FER1L6: variants seen among roughly 807,000 people sequenced by gnomAD.
FER1L6 encodes the protein fer-1-like protein 6.
A neutral mutation model predicts 219.2 loss-of-function variants in FER1L6; 177 were observed. That is an observed-to-expected ratio of 0.81 (90% confidence interval 0.71 to 0.91). The LOEUF (loss-of-function observed/expected upper bound fraction) is 0.91. FER1L6 is among the 40% of genes least tolerant of loss of function. The pLI, the probability that FER1L6 is intolerant of heterozygous loss-of-function variation, is 0.00. For missense variants in FER1L6, 2,153 were observed against 2,259.9 expected, an observed-to-expected ratio of 0.95 and a Z score of 0.96; for synonymous variants, 768 against 824.3, an observed-to-expected ratio of 0.93 and a Z score of 1.17.
At chr8:124,058,070 G>C (rs1169124724) in intron 22 of FER1L6, among the ~76,000 whole-genome samples, 5 of 152,214 alleles carry the variant, frequency 3.3e-5, no homozygotes, top group African/African-American at 9.6e-5. Context: ...GAGCTAGTAA[G>C]TGATAGAGCC....
At chr8:123,903,014 G>A (rs1812886552) in intron 1 of FER1L6, among the ~76,000 whole-genome samples, 1 of 152,008 alleles carries the variant, frequency 6.6e-6, no homozygotes, top group Non-Finnish European at 1.5e-5. Flanking sequence ...AATTCTCTCA[G>A]AGTTTGTTTG....
At chr8:123,951,781 C>T (rs1814779465) in intron 1 of FER1L6, among the ~76,000 whole-genome samples, 1 of 152,242 alleles carries the variant, frequency 6.6e-6, no homozygotes, top group Non-Finnish European at 1.5e-5. Context: ...CCCCTGCCCT[C>T]CCCAGCCCCG....
At position 123,978,537 on chromosome 8, in the gene FER1L6, C is replaced by T. The variant is rs539622658; in HGVS notation, c.1063+928C>T. ...CTTTGAAAAACCCAACAAACCTTCCCTTCTTTAAATTCCCAGGCAATCTTT... is the reference window on the plus strand; with the variant it reads ...CTTTGAAAAACCCAACAAACCTTCCTTTCTTTAAATTCCCAGGCAATCTTT... On this transcript the variant is annotated intron_variant, in intron 10 of 40. Coordinates refer to ENST00000522917, the MANE Select transcript of FER1L6 (RefSeq NM_001039112.2). Among the ~76,000 whole-genome samples the T allele has an allele frequency of 3.9e-5, 6 of 152,278 alleles. No homozygotes were observed. In the East Asian group the frequency reaches 1.2e-3, roughly 29 times the overall value.
chr8:123,963,724 C>T (rs1815405830), intron 3 of FER1L6, among the ~76,000 whole-genome samples: 1 of 152,190 alleles, frequency 6.6e-6, no homozygotes, highest in Admixed American at 6.5e-5. Flanking sequence ...CATCAAGGTG[C>T]TCATTATCTT....
At chr8:123,892,934 A>T (rs1413195749) in intron 1 of FER1L6, among the ~76,000 whole-genome samples, 2 of 152,154 alleles carry the variant, frequency 1.3e-5, no homozygotes, top group Admixed American at 1.3e-4. Flanking sequence ...GTAGTGTTTA[A>T]CTTACTTTGG....
At chr8:123,977,681 G>A in intron 10 of FER1L6, 72 bp downstream of exon 10, 18 of 1,436,060 alleles carry the variant, frequency 1.3e-5, no homozygotes, top group South Asian at 1.2e-4. Context: ...TTTAAAAGGG[G>A]TGGGCTAGAG....
Position 124,101,225 on chromosome 8 carries a change from T to C in FER1L6, c.5012T>C (p.Val1671Ala), listed in dbSNP as rs1375099306. Residue 1671 changes from valine (V) to alanine (A), a missense_variant, in exon 38 of 41, where the codon GTC becomes GCC. Val to Ala is a moderately conservative substitution (Grantham distance 64, BLOSUM62 0). Coordinates refer to ENST00000522917, the MANE Select transcript of FER1L6 (RefSeq NM_001039112.2). ...FQYLPAEKQM[V>A]ITKRENIFSL... ...TATCTCCCAGCTGAGAAGCAAATGGTCATTACCAAGAGGGAGAACATCTTC... is the reference window on the plus strand; with the variant it reads ...TATCTCCCAGCTGAGAAGCAAATGGCCATTACCAAGAGGGAGAACATCTTC... The C allele has an allele frequency of 6.2e-7, 1 of 1,613,762 alleles. No individual in the cohort carries two copies. The highest frequency in any genetic ancestry group is 8.5e-7 in the Non-Finnish European group (1 of 1,179,974).
chr8:124,052,325 G>A (rs962203686), intron 22 of FER1L6, among the ~76,000 whole-genome samples: 5 of 152,256 alleles, frequency 3.3e-5, no homozygotes, highest in East Asian at 3.9e-4. Flanking sequence ...ATGTTCATGT[G>A]TCTCGAATAT....
Position 123,973,316 on chromosome 8 carries a change from C to A in FER1L6, c.448-118C>A. On this transcript the variant is annotated intron_variant, in intron 6 of 40. Coordinates refer to ENST00000522917, the MANE Select transcript of FER1L6 (RefSeq NM_001039112.2). ...AGGGGCTTCTGGAGGTCCTTTACAGCCTTGTGGTTTGATGGCCAAACTCCA... is the reference window on the plus strand; with the variant it reads ...AGGGGCTTCTGGAGGTCCTTTACAGACTTGTGGTTTGATGGCCAAACTCCA... The A allele has an allele frequency of 3.9e-6, 3 of 761,880 alleles. No homozygotes were observed. The East Asian group carries it at 7.4e-5, about 19-fold the overall frequency. 47.2% of individuals were successfully genotyped at this position (761,880 alleles called of 1,614,324 possible). A position where few individuals can be genotyped will look rare whatever the true frequency, so the allele number is the denominator to read the frequency against.
At chr8:124,081,576 T>G (rs1272458781) in intron 32 of FER1L6, among the ~76,000 whole-genome samples, 1 of 133,116 alleles carries the variant, frequency 7.5e-6, no homozygotes, top group Admixed American at 8.5e-5. Flanking sequence ...TTTCTGCAGG[T>G]CAAGTGCAGG....
intron 31 of FER1L6, 50 bp downstream of exon 31, chr8:124,071,681 G>C: frequency 6.4e-7 from 1 of 1,571,002 alleles, no homozygotes; most frequent in Non-Finnish European, 8.7e-7. Flanking sequence ...TGCTCAGGCT[G>C]CCATAACAAA....
At chr8:123,934,904 G>A (rs919569157) in intron 1 of FER1L6, among the ~76,000 whole-genome samples, 1 of 152,198 alleles carries the variant, frequency 6.6e-6, no homozygotes, top group African/African-American at 2.4e-5. Flanking sequence ...TTCCTGCTCC[G>A]CCATGGTAAG....
In FER1L6 at chr8:123,879,353, A is replaced by C. The variant is rs572098445; in HGVS notation, c.-8+27168A>C. The stretch of plus-strand genomic sequence containing the variant: ...TTTTTATTTATTTTTTTGAGATGGA[A>C]TCTCACTCTGTTGACCAGGCTGGAG... On this transcript the variant is annotated intron_variant, in intron 1 of 40. Coordinates refer to ENST00000522917, the MANE Select transcript of FER1L6 (RefSeq NM_001039112.2). Among the ~76,000 whole-genome samples, 178 of 152,162 alleles carry C rather than the reference A, an allele frequency of 1.2e-3. 2 individuals are homozygous for C. Among genetic ancestry groups the C allele is most frequent in the South Asian group, 6.6e-3 (32 of 4,818 alleles).
intron 18 of FER1L6, among the ~76,000 whole-genome samples, chr8:124,034,767 A>G (rs936541638): frequency 2.0e-5 from 3 of 152,174 alleles, no homozygotes; most frequent in African/African-American, 7.2e-5. Flanking sequence ...ACAAAGAGGT[A>G]AAAAGTCAGG....
At chr8:123,982,963 A>C (rs933292879) in intron 11 of FER1L6, among the ~76,000 whole-genome samples, 1 of 152,248 alleles carries the variant, frequency 6.6e-6, no homozygotes, top group Admixed American at 6.5e-5. Flanking sequence ...CAGAAGTCAC[A>C]CAATGACATA....
At chr8:123,856,276 GTA>G (rs1463645370) in intron 1 of FER1L6, among the ~76,000 whole-genome samples, 2 of 102,864 alleles carry the variant, frequency 1.9e-5, no homozygotes, top group Non-Finnish European at 4.2e-5. Context: ...GTGTATATGT[GTA>G]TATATGTGTG....
At chr8:123,889,032 A>G (rs186637521) in intron 1 of FER1L6, among the ~76,000 whole-genome samples, 1 of 152,332 alleles carries the variant, frequency 6.6e-6, no homozygotes, top group East Asian at 1.9e-4. Context: ...ACATTTTTGT[A>G]TGGGTTTTAC....
intron 1 of FER1L6, among the ~76,000 whole-genome samples, chr8:123,872,855 T>A (rs1165620888): frequency 3.9e-5 from 6 of 152,228 alleles, no homozygotes. Flanking sequence ...TGTCATCCAG[T>A]GCTCTTCATA....
chr8:123,943,241 G>T (rs1393948650), intron 1 of FER1L6, among the ~76,000 whole-genome samples: 1 of 152,218 alleles, frequency 6.6e-6, no homozygotes, highest in African/African-American at 2.4e-5. Flanking sequence ...TGGTGAACAT[G>T]ATTAAAAATC....
Sources: allele counts gnomAD v4.1 joint callset (sites outside exome capture counted in the v4.1 genomes callset), GRCh38; gene constraint gnomAD v4.1.1; transcripts MANE v1.5; gene names NCBI Gene and HGNC (gene_info 2026-07-23, HGNC 2026-07-21).